The following ATRNL1 variants were observed in gnomAD, a reference collection of about 807,000 sequenced individuals.
ATRNL1 encodes attractin-like protein 1.
ATRNL1 carries 95 observed loss-of-function variants against 182.7 expected under a neutral mutation model. The ratio of observed to expected loss-of-function variants is 0.52; its 90% CI spans 0.44 to 0.62. ATRNL1 has a LOEUF of 0.62. Ranked by LOEUF, ATRNL1 falls within the 20% of genes least tolerant of loss-of-function variation. The probability of loss-of-function intolerance (pLI) is 0.00; values close to 1 mark genes in which losing one functional copy is unlikely to be tolerated. For missense variants in ATRNL1, 1,471 were observed against 1,679.5 expected (o/e 0.88, Z 2.17); for synonymous variants, 576 against 568.3 (o/e 1.01, Z -0.19).
chr10:115,213,415 C>G (rs1036303311), intron 8 of ATRNL1, among the ~76,000 whole-genome samples: 1 of 151,970 alleles, frequency 6.6e-6, no homozygotes, highest in African/African-American at 2.4e-5. Context: ...CCATTGGACT[C>G]GTGTTCAGTT....
chr10:115,899,705 A>G (rs1178155302), intron 28 of ATRNL1, among the ~76,000 whole-genome samples: 1 of 152,204 alleles, frequency 6.6e-6, no homozygotes, highest in Non-Finnish European at 1.5e-5. Context: ...CAGAATTGGT[A>G]ATAGTGATTG....
intron 8 of ATRNL1, among the ~76,000 whole-genome samples, chr10:115,176,311 T>G (rs992303987): frequency 2.9e-4 from 44 of 152,282 alleles, no homozygotes; most frequent in African/African-American, 8.7e-4. Flanking sequence ...TTAGTTTAAT[T>G]AGATCCCATT....
intron 26 of ATRNL1, among the ~76,000 whole-genome samples, chr10:115,661,000 T>C (rs1860647280): frequency 6.6e-6 from 1 of 152,032 alleles, no homozygotes; most frequent in Non-Finnish European, 1.5e-5. Flanking sequence ...TAGGGGAAGG[T>C]AGGATAGGAA....
At chr10:115,631,063 AG>A (rs530738634) in intron 26 of ATRNL1, among the ~76,000 whole-genome samples, 1 of 151,400 alleles carries the variant, frequency 6.6e-6, no homozygotes, top group African/African-American at 2.4e-5. Context: ...AGGGGTGGGG[AG>A]GGGGGTGTGT....
chr10:115,195,253 T>C (rs1398058710), intron 8 of ATRNL1, among the ~76,000 whole-genome samples: 2 of 152,142 alleles, frequency 1.3e-5, no homozygotes, highest in East Asian at 1.9e-4. Flanking sequence ...TTGTTTCACA[T>C]TGAAGAACTC....
At chr10:115,444,888 C>T (rs777860568) in intron 21 of ATRNL1, among the ~76,000 whole-genome samples, 48 of 151,556 alleles carry the variant, frequency 3.2e-4, no homozygotes, top group Middle Eastern at 6.8e-3. Flanking sequence ...TGCGCCACCA[C>T]GCCAGCCTAT....
chr10:115,539,383 C>G (rs1438748828), intron 25 of ATRNL1, among the ~76,000 whole-genome samples: 1 of 152,190 alleles, frequency 6.6e-6, no homozygotes, highest in East Asian at 1.9e-4. Flanking sequence ...GTGAACTCAA[C>G]CATGAAACCT....
chr10:115,600,111 T>G (rs1838786127), intron 26 of ATRNL1, among the ~76,000 whole-genome samples: 1 of 152,172 alleles, frequency 6.6e-6, no homozygotes, highest in African/African-American at 2.4e-5. Context: ...CCTGTCTTCC[T>G]TCTTTGACCC....
intron 24 of ATRNL1, among the ~76,000 whole-genome samples, chr10:115,477,919 T>A (rs1848604231): frequency 6.6e-6 from 1 of 151,750 alleles, no homozygotes. Flanking sequence ...AATTCTAATG[T>A]AGATATTCTT....
intron 28 of ATRNL1, among the ~76,000 whole-genome samples, chr10:115,912,751 T>G (rs1589684295): frequency 6.6e-6 from 1 of 152,200 alleles, no homozygotes; most frequent in East Asian, 1.9e-4. Flanking sequence ...GCAAAGAATA[T>G]TTAAGGATGT....
chr10:115,458,063 T>C (rs938751190), intron 21 of ATRNL1, among the ~76,000 whole-genome samples: 2 of 152,184 alleles, frequency 1.3e-5, no homozygotes, highest in African/African-American at 4.8e-5. Flanking sequence ...GAGTAGTTCA[T>C]TAATGCAGCA....
chr10:115,147,861 T>G (rs1846040903), intron 5 of ATRNL1, among the ~76,000 whole-genome samples: 1 of 152,194 alleles, frequency 6.6e-6, no homozygotes, highest in South Asian at 2.1e-4. Context: ...TTGGTTACTA[T>G]AGCCTTGTAA....
intron 28 of ATRNL1, among the ~76,000 whole-genome samples, chr10:115,887,095 G>A (rs964748825): frequency 3.6e-4 from 55 of 152,086 alleles, no homozygotes; most frequent in African/African-American, 1.3e-3. Context: ...CATCATCATG[G>A]ACCCCACACC....
At chr10:115,273,503 C>T (rs1469692308) in intron 13 of ATRNL1, among the ~76,000 whole-genome samples, 1 of 152,128 alleles carries the variant, frequency 6.6e-6, no homozygotes, top group Non-Finnish European at 1.5e-5. Flanking sequence ...TTGGCCACAG[C>T]CCATGAATCC....
At chr10:115,703,012 A>G (rs1205665643) in intron 26 of ATRNL1, among the ~76,000 whole-genome samples, 1 of 151,982 alleles carries the variant, frequency 6.6e-6, no homozygotes, top group Non-Finnish European at 1.5e-5. Flanking sequence ...TTCAAACTAT[A>G]CTACAAGAGT....
chr10:115,561,577 C>T (rs1853710698), intron 26 of ATRNL1, among the ~76,000 whole-genome samples: 1 of 151,900 alleles, frequency 6.6e-6, no homozygotes, highest in Non-Finnish European at 1.5e-5. Context: ...CACTATGACA[C>T]CATTTTTAAA....
chr10:115,917,223 C>T lies in ATRNL1; in HGVS notation c.4019-27435C>T, dbSNP rs751814924. Reference sequence around the variant, plus strand: ...CGGTGGCTCGCGCCTGTAATCCCAGCGCTTTGGGAGGCTGAGGTGGATCAC... The same window carrying T: ...CGGTGGCTCGCGCCTGTAATCCCAGTGCTTTGGGAGGCTGAGGTGGATCAC... On this transcript the variant is annotated intron_variant, in intron 28 of 28. Transcript: ENST00000355044. Among the ~76,000 whole-genome samples the T allele has an allele frequency of 2.6e-5, 4 of 151,882 alleles. No homozygotes were observed. The East Asian group carries it at 7.8e-4, about 30-fold the overall frequency.
chr10:115,158,467 T>G (rs905394758), intron 5 of ATRNL1, among the ~76,000 whole-genome samples: 7 of 152,200 alleles, frequency 4.6e-5, no homozygotes, highest in African/African-American at 1.7e-4. Context: ...CTTTAATATC[T>G]CTGATTACTA....
At chr10:115,339,737 T>C (rs1855650111) in intron 19 of ATRNL1, among the ~76,000 whole-genome samples, 1 of 152,178 alleles carries the variant, frequency 6.6e-6, no homozygotes, top group African/African-American at 2.4e-5. Context: ...TTCAGGACTG[T>C]GTTCAATAAC....
Sources: gnomAD v4.1 joint callset for allele counts (sites outside exome capture counted in the v4.1 genomes callset) on GRCh38, gnomAD v4.1.1 for gene constraint, MANE v1.5 for transcripts, NCBI Gene and HGNC (gene_info 2026-07-23, HGNC 2026-07-21) for gene names.